The following RUNX1 variants were observed in gnomAD, a reference collection of about 807,000 sequenced individuals.
RUNX1 encodes the protein runt-related transcription factor 1.
In RUNX1, 19 loss-of-function variants were observed where a neutral mutation model predicts 42.8. The observed-to-expected ratio is 0.44, with a 90% CI of 0.31 to 0.65. The LOEUF is 0.65. RUNX1 is among the 30% of genes least tolerant of loss of function. RUNX1 has a pLI of 0.07. For synonymous variants in RUNX1, 271 were observed against 289.4 expected (o/e 0.94, Z 0.64); for missense variants, 528 against 672.0 (o/e 0.79, Z 2.37).
chr21:35,001,212 C>A (rs1479609186), intron 2 of RUNX1, among the ~76,000 whole-genome samples: 1 of 150,936 alleles, frequency 6.6e-6, no homozygotes, highest in African/African-American at 2.4e-5. Flanking sequence ...TTTTTAATAG[C>A]CTTATTGAGA....
intron 2 of RUNX1, among the ~76,000 whole-genome samples, chr21:34,954,367 T>C (rs550633676): frequency 6.6e-6 from 1 of 152,144 alleles, no homozygotes; most frequent in South Asian, 2.1e-4. Context: ...TGACTCCTTG[T>C]GGCAGGAGTG....
intron 2 of RUNX1, among the ~76,000 whole-genome samples, chr21:34,926,201 G>T (rs904064157): frequency 6.6e-6 from 1 of 151,776 alleles, no homozygotes. Context: ...CAGGCTGTGC[G>T]TGGTGGCTCA....
At chr21:34,826,227 A>C (rs2056985245) in intron 7 of RUNX1, among the ~76,000 whole-genome samples, 1 of 152,136 alleles carries the variant, frequency 6.6e-6, no homozygotes, top group African/African-American at 2.4e-5. Flanking sequence ...TGCCCTCATA[A>C]ATGGATTAAT....
intron 2 of RUNX1, among the ~76,000 whole-genome samples, chr21:34,932,749 T>C (rs1371272648): frequency 6.6e-6 from 1 of 152,170 alleles, no homozygotes; most frequent in Non-Finnish European, 1.5e-5. Flanking sequence ...ACACTGTCTC[T>C]CACTACTAAG....
intron 3 of RUNX1, among the ~76,000 whole-genome samples, chr21:34,889,402 G>T (rs368894651): frequency 2.0e-5 from 3 of 152,050 alleles, no homozygotes; most frequent in African/African-American, 7.2e-5. Context: ...TTACCGCTGC[G>T]CCCGGGCCGC....
chr21:35,033,598 T>C (rs9979477), intron 2 of RUNX1, among the ~76,000 whole-genome samples: 53,695 of 152,052 alleles, frequency 0.35, 9,853 homozygotes, highest in African/African-American at 0.4. Flanking sequence ...CTTTAATGAC[T>C]ACTACCAGAA....
At chr21:34,814,602 C>A (rs2056800516) in intron 7 of RUNX1, among the ~76,000 whole-genome samples, 2 of 152,220 alleles carry the variant, frequency 1.3e-5, no homozygotes, top group African/African-American at 4.8e-5. Context: ...TCTGAACCTC[C>A]AGATTAGACT....
chr21:35,047,545 ACACACACACACACACACT>A (rs1416071826), intron 2 of RUNX1, among the ~76,000 whole-genome samples: 238 of 129,514 alleles, frequency 1.8e-3, no homozygotes, highest in African/African-American at 6.7e-3. Flanking sequence ...ACACACACAC[ACACACACACACACACACT>A]CTCTCTCTCT....
chr21:35,047,551 ACACACACACACTCTCTCTCT>A (rs1366732554), intron 2 of RUNX1, among the ~76,000 whole-genome samples: 25 of 95,436 alleles, frequency 2.6e-4, no homozygotes, highest in African/African-American at 1.2e-3. Context: ...ACACACACAC[ACACACACACACTCTCTCTCT>A]CTCTCTCTCT....
At chr21:34,890,183 C>G (rs1222092359) in intron 3 of RUNX1, among the ~76,000 whole-genome samples, 1 of 151,798 alleles carries the variant, frequency 6.6e-6, no homozygotes, top group Non-Finnish European at 1.5e-5. Context: ...GCTGTCGGGA[C>G]GCGCCGCGGG....
chr21:34,877,405 TCA>T (rs1372102109), intron 5 of RUNX1, among the ~76,000 whole-genome samples: 1 of 152,140 alleles, frequency 6.6e-6, no homozygotes, highest in Non-Finnish European at 1.5e-5. Context: ...ACCTCTGTGC[TCA>T]CATGACCTCT....
intron 2 of RUNX1, among the ~76,000 whole-genome samples, chr21:34,964,068 C>T (rs367576267): frequency 4.6e-5 from 7 of 152,132 alleles, no homozygotes; most frequent in South Asian, 4.1e-4. Flanking sequence ...TCAGCCACTG[C>T]GATAAGGGTC....
chr21:34,971,596 G>A (rs775421330), intron 2 of RUNX1, among the ~76,000 whole-genome samples: 3 of 151,530 alleles, frequency 2.0e-5, no homozygotes, highest in Non-Finnish European at 4.4e-5. Context: ...ATTATGTATG[G>A]CGTACATACT....
At chr21:34,993,645 G>GCA (rs1296296720) in intron 2 of RUNX1, among the ~76,000 whole-genome samples, 3 of 14,626 alleles carry the variant, frequency 2.1e-4, no homozygotes, top group Non-Finnish European at 4.7e-4. Context: ...ACACACACAG[G>GCA]CACACACACA....
At chr21:34,840,232 C>T (rs1163779408) in intron 6 of RUNX1, among the ~76,000 whole-genome samples, 1 of 152,188 alleles carries the variant, frequency 6.6e-6, no homozygotes, top group Non-Finnish European at 1.5e-5. Context: ...TTCCGTTCCA[C>T]AAATGCAGCA....
Position 34,974,615 on chromosome 21 carries a change from G to A in RUNX1, c.58+74227C>T, listed in dbSNP as rs369496995. On this transcript the variant is annotated intron_variant, in intron 2 of 8. Transcript: ENST00000675419. ...ATAAAATGAAGTTGACATGAAATGT[G>A]GTGTAGATGAAGACAGCACCAGCTT... Among the ~76,000 whole-genome samples the A allele has an allele frequency of 3.0e-4, 46 of 152,272 alleles. 1 individual carries two copies. In the South Asian group the frequency reaches 9.3e-3, roughly 31 times the overall value.
At chr21:35,022,574 T>C (rs941364358) in intron 2 of RUNX1, among the ~76,000 whole-genome samples, 2 of 152,138 alleles carry the variant, frequency 1.3e-5, no homozygotes, top group Non-Finnish European at 2.9e-5. Flanking sequence ...AACAAGTGCA[T>C]ATAGATCTTT....
chr21:34,824,199 G>A (rs1256772653), intron 7 of RUNX1, among the ~76,000 whole-genome samples: 2 of 152,094 alleles, frequency 1.3e-5, no homozygotes, highest in Non-Finnish European at 2.9e-5. Context: ...TGCCATTTAG[G>A]GGAGCGTGAA....
chr21:34,969,075 T>C (rs971385881), intron 2 of RUNX1, among the ~76,000 whole-genome samples: 3 of 152,200 alleles, frequency 2.0e-5, no homozygotes, highest in Admixed American at 1.3e-4. Context: ...TCAGTTTTCA[T>C]TTATCTCTTG....
Sources: gnomAD v4.1 joint callset for allele counts (sites outside exome capture counted in the v4.1 genomes callset) on GRCh38, gnomAD v4.1.1 for gene constraint, MANE v1.5 for transcripts, NCBI Gene and HGNC (gene_info 2026-07-23, HGNC 2026-07-21) for gene names.